The following MMP2 variants were observed in gnomAD, a reference collection of about 807,000 sequenced individuals.
The protein encoded by MMP2 is matrix metallopeptidase 2.
Under a neutral mutation model 74.8 loss-of-function variants are expected in MMP2, and 39 were observed. That is an observed-to-expected ratio of 0.52 (90% CI 0.40 to 0.68). The LOEUF (loss-of-function observed/expected upper bound fraction) is 0.68, where lower values mean the gene tolerates loss of function less well. Ranked by LOEUF, MMP2 falls within the 30% of genes least tolerant of loss-of-function variation. The pLI is 0.00. For synonymous variants in MMP2, 367 were observed against 339.8 expected (o/e 1.08, Z -0.88); for missense variants, 803 against 878.3 (o/e 0.91, Z 1.08).
At chr16:55,480,933 G>A (rs1962084055) in intron 1 of MMP2, among the ~76,000 whole-genome samples, 2 of 152,104 alleles carry the variant, frequency 1.3e-5, no homozygotes, top group Admixed American at 1.3e-4. Context: ...GGGGGTGAGA[G>A]TGGAGCTTTG....
At chr16:55,484,391 C>T (rs115013415) in intron 3 of MMP2, among the ~76,000 whole-genome samples, 103 of 152,146 alleles carry the variant, frequency 6.8e-4, no homozygotes, top group Non-Finnish European at 1.2e-3. Flanking sequence ...ACCTGGAGGC[C>T]GTCTAAACCC....
chr16:55,502,065 A>G (rs1962679977), intron 11 of MMP2, among the ~76,000 whole-genome samples: 1 of 152,236 alleles, frequency 6.6e-6, no homozygotes, highest in African/African-American at 2.4e-5. Flanking sequence ...GGCGGGGCCC[A>G]GGATTGCTGC....
intron 11 of MMP2, among the ~76,000 whole-genome samples, chr16:55,499,696 A>G (rs1422404672): frequency 6.6e-6 from 1 of 152,186 alleles, no homozygotes; most frequent in Admixed American, 6.5e-5. Flanking sequence ...AAATTAAATA[A>G]CTTGTTCAAG....
At chr16:55,484,263 C>G in intron 3 of MMP2, 99 bp downstream of exon 3, 2 of 1,405,334 alleles carry the variant, frequency 1.4e-6, no homozygotes, top group South Asian at 2.5e-5. Context: ...CTAAGGGCGG[C>G]TTAGATAGGA....
At chr16:55,481,991 TCTC>T (rs1478087200) in intron 1 of MMP2, 6 of 556,008 alleles carry the variant, frequency 1.1e-5, no homozygotes, top group Non-Finnish European at 1.6e-5. Flanking sequence ...TGTCAGAAGA[TCTC>T]CTGGCTCCTT....
At chr16:55,505,283 C>G (rs1400455843) in intron 12 of MMP2, 56 bp from the exon 13 acceptor site, 18 of 1,447,686 alleles carry the variant, frequency 1.2e-5, no homozygotes, top group Non-Finnish European at 1.7e-5. Flanking sequence ...CAGGAACCTT[C>G]TGTGTGCCAG....
intron 7 of MMP2, among the ~76,000 whole-genome samples, chr16:55,490,054 C>A (rs540727202): frequency 2.6e-5 from 4 of 152,164 alleles, no homozygotes; most frequent in Non-Finnish European, 4.4e-5. Context: ...CAAAATCAGA[C>A]CCTGGTAGAC....
chr16:55,491,730 G>A (rs939176166), intron 7 of MMP2, 71 bp from the exon 8 acceptor site: 6 of 1,558,574 alleles, frequency 3.8e-6, no homozygotes, highest in African/African-American at 1.4e-5. Context: ...CTGCATCACT[G>A]GGTCAGGTCT....
At chr16:55,493,414 T>A in intron 9 of MMP2, 121 bp downstream of exon 9, 1 of 1,383,186 alleles carries the variant, frequency 7.2e-7, no homozygotes, top group Non-Finnish European at 1.0e-6. Flanking sequence ...TGACCTGAAT[T>A]AGGCAGTTTC....
At chr16:55,491,074 T>TA (rs1251819452) in intron 7 of MMP2, among the ~76,000 whole-genome samples, 3 of 69,050 alleles carry the variant, frequency 4.3e-5, no homozygotes, top group African/African-American at 8.1e-5. Flanking sequence ...TCTCCTCCTT[T>TA]TTTTTTTTTT....
chr16:55,482,943 A>G lies in MMP2; in HGVS notation c.188A>G (p.Glu63Gly). 1 of 1,614,224 alleles carries G rather than the reference A, an allele frequency of 6.2e-7. No individual in the cohort carries two copies. Among genetic ancestry groups the G allele is most frequent in the Non-Finnish European group, 8.5e-7 (1 of 1,180,030 alleles). ...AACACCTTCTATGGCTGCCCCAAGGAGAGCTGCAACCTGTTTGTGCTGAAG... is the reference window on the plus strand; with the variant it reads ...AACACCTTCTATGGCTGCCCCAAGGGGAGCTGCAACCTGTTTGTGCTGAAG... ...YLNTFYGCPK[E>G]SCNLFVLKDT... The change falls in exon 2 of 13, where the codon GAG becomes GGG. Residue 63 changes from glutamate (E) to glycine (G), a missense_variant. Coordinates refer to ENST00000219070, the MANE Select transcript of MMP2 (RefSeq NM_004530.6).
At chr16:55,505,115 CTAA>C (rs1379527703) in intron 12 of MMP2, among the ~76,000 whole-genome samples, 2 of 151,984 alleles carry the variant, frequency 1.3e-5, no homozygotes, top group Non-Finnish European at 2.9e-5. Context: ...CTATACCCAG[CTAA>C]TTTAAATATG....
chr16:55,485,914 A>T, intron 5 of MMP2, 137 bp downstream of exon 5: 1 of 863,508 alleles, frequency 1.2e-6, no homozygotes, highest in South Asian at 1.5e-5. Context: ...AACGTCCTTC[A>T]CTCAGTTCCC....
At chr16:55,496,868 G>C in intron 9 of MMP2, 58 bp from the exon 10 acceptor site, 10 of 1,607,678 alleles carry the variant, frequency 6.2e-6, no homozygotes, top group Non-Finnish European at 8.5e-6. Context: ...GGTGTGTGTG[G>C]TTCGAGCTGC....
chr16:55,499,591 T>A (rs1328788277), intron 11 of MMP2, among the ~76,000 whole-genome samples: 2 of 152,194 alleles, frequency 1.3e-5, no homozygotes, highest in African/African-American at 4.8e-5. Flanking sequence ...CCAGGGAACC[T>A]AATATCCAGG....
chr16:55,490,100 C>T (rs1490560343), intron 7 of MMP2, among the ~76,000 whole-genome samples: 1 of 152,140 alleles, frequency 6.6e-6, no homozygotes, highest in African/African-American at 2.4e-5. Flanking sequence ...TAAGAACTGG[C>T]CTTCCTGAGG....
At chr16:55,485,451 C>T (rs1962220198) in intron 4 of MMP2, 24 bp downstream of exon 4, 1 of 1,614,064 alleles carries the variant, frequency 6.2e-7, no homozygotes. Context: ...CCTCTGCATG[C>T]CCCAGACCTT....
intron 12 of MMP2, among the ~76,000 whole-genome samples, chr16:55,503,977 ACT>A (rs1242113884): frequency 6.6e-6 from 1 of 152,046 alleles, no homozygotes; most frequent in Non-Finnish European, 1.5e-5. Flanking sequence ...ACATAGTGAG[ACT>A]CTATCTCTAC....
In MMP2 at chr16:55,493,312, T is replaced by A; in HGVS notation, c.1472+19T>A. 1 of 1,614,132 alleles carries A rather than the reference T, an allele frequency of 6.2e-7. No individual in the cohort carries two copies. The highest frequency in any genetic ancestry group is 8.5e-7 in the Non-Finnish European group (1 of 1,179,988). On this transcript the variant is annotated intron_variant, in intron 9 of 12. Transcript: ENST00000219070. ...AGGACCGGTGAGTGCAGGAGCTTGC[T>A]TCTTGTCCTCCTTGTCTCCTGTCCT...
Sources: gnomAD v4.1 joint callset for allele counts (sites outside exome capture counted in the v4.1 genomes callset) on GRCh38, gnomAD v4.1.1 for gene constraint, MANE v1.5 for transcripts, NCBI Gene and HGNC (gene_info 2026-07-23, HGNC 2026-07-21) for gene names.